BCAS3: variants seen among roughly 807,000 people sequenced by gnomAD.
BCAS3 encodes the protein BCAS4/BCAS3 fusion.
In BCAS3, 53 loss-of-function variants were observed where a neutral mutation model predicts 116.1. The observed-to-expected ratio is 0.46, with a 90% CI of 0.37 to 0.57. BCAS3 has a LOEUF of 0.57. Ranked by LOEUF, BCAS3 falls within the 20% of genes least tolerant of loss-of-function variation. The pLI is 0.00. For synonymous variants in BCAS3, 391 were observed against 408.2 expected, an observed-to-expected ratio of 0.96 and a Z score of 0.51; for missense variants, 917 against 1,165.4, an observed-to-expected ratio of 0.79 and a Z score of 3.10.
intron 15 of BCAS3, among the ~76,000 whole-genome samples, chr17:61,000,725 G>A (rs1401855942): frequency 6.6e-6 from 1 of 152,028 alleles, no homozygotes; most frequent in East Asian, 1.9e-4. Context: ...TATAATAATT[G>A]TGAACTTATT....
At position 61,307,897 on chromosome 17, in the gene BCAS3, T is replaced by C. The variant is rs781617668; in HGVS notation, c.2426-60430T>C. 3.3e-5 allele frequency among the ~76,000 whole-genome samples: 5 copies of C among 152,054 alleles called. No individual in the cohort carries two copies. Among genetic ancestry groups the C allele is most frequent in the Non-Finnish European group, 5.9e-5 (4 of 68,036 alleles). Reference sequence around the variant, plus strand: ...GTTACAGATCTAACACAAATAATGTTACGTGAGCAACCCCAAACAGTATAC... The same window carrying C: ...GTTACAGATCTAACACAAATAATGTCACGTGAGCAACCCCAAACAGTATAC... On this transcript the variant is annotated intron_variant, in intron 22 of 23. Transcript: ENST00000407086. The surrounding 1 kb of genome is among the most constrained non-coding windows in gnomAD (Gnocchi z 4.7).
At chr17:60,852,071 G>C (rs2053220065) in intron 7 of BCAS3, among the ~76,000 whole-genome samples, 4 of 152,010 alleles carry the variant, frequency 2.6e-5, no homozygotes, top group Non-Finnish European at 5.9e-5. Flanking sequence ...CATATTAAAT[G>C]GCAATATGGA....
At chr17:60,901,531 A>G (rs73320655) in intron 10 of BCAS3, among the ~76,000 whole-genome samples, 6,453 of 152,222 alleles carry the variant, frequency 0.042, 422 homozygotes, top group African/African-American at 0.15. Context: ...TTTCAAATCT[A>G]TTTAAGCAGT....
intron 2 of BCAS3, among the ~76,000 whole-genome samples, chr17:60,683,626 G>A (rs1247395350): frequency 7.1e-6 from 1 of 141,532 alleles, no homozygotes; most frequent in East Asian, 2.1e-4. Flanking sequence ...GAGCTCAGAA[G>A]TTTGACACCA....
intron 15 of BCAS3, among the ~76,000 whole-genome samples, chr17:60,991,666 A>G (rs1367110896): frequency 1.3e-5 from 2 of 152,172 alleles, no homozygotes; most frequent in Admixed American, 1.3e-4. Flanking sequence ...AATATTCACC[A>G]TGTAAATGTG....
At chr17:61,230,959 CTTTTTTTTTT>C (rs763299746) in intron 22 of BCAS3, among the ~76,000 whole-genome samples, 2 of 121,854 alleles carry the variant, frequency 1.6e-5, no homozygotes, top group South Asian at 2.6e-4. Context: ...TAGTTTTTGC[CTTTTTTTTTT>C]TTTTTTTTTT....
In BCAS3 at chr17:61,380,658, G is replaced by A. The variant is rs920120776; in HGVS notation, c.2594-11319G>A. ...CAAGAGGGTGCCCTCCTACCCCCTCGTGCCCAGGCCCAGGAGCACTCTAGG... is the reference window on the plus strand; with the variant it reads ...CAAGAGGGTGCCCTCCTACCCCCTCATGCCCAGGCCCAGGAGCACTCTAGG... On this transcript the variant is annotated intron_variant, in intron 23 of 23. Transcript: ENST00000407086. The surrounding 1 kb of genome is among the most constrained non-coding windows in gnomAD (Gnocchi z 4.2). 99 of 1,299,448 alleles carry A rather than the reference G, an allele frequency of 7.6e-5. No individual in the cohort carries two copies. The highest frequency in any genetic ancestry group is 8.7e-5 in the South Asian group (7 of 80,650). The allele number at this position is 1,299,448 out of a possible 1,614,324, so 80.5% of individuals were successfully genotyped here. A position where few individuals can be genotyped will look rare whatever the true frequency, so the allele number is the denominator to read the frequency against.
chr17:60,690,465 G>A (rs544245859), intron 4 of BCAS3, among the ~76,000 whole-genome samples: 59 of 152,302 alleles, frequency 3.9e-4, no homozygotes, highest in Non-Finnish European at 7.1e-4. Context: ...AGCTACTTGG[G>A]AGGCTGAGGT....
At chr17:60,841,295 A>C (rs2144760388) in intron 7 of BCAS3, among the ~76,000 whole-genome samples, 1 of 152,264 alleles carries the variant, frequency 6.6e-6, no homozygotes, top group East Asian at 1.9e-4. Context: ...ATTTTGTTGC[A>C]AAAGAGAGAC....
chr17:61,015,645 C>T, intron 15 of BCAS3, 106 bp from the exon 16 acceptor site: 1 of 1,110,846 alleles, frequency 9.0e-7, no homozygotes, highest in Non-Finnish European at 1.3e-6. Flanking sequence ...ACCTTTGATG[C>T]CTTTCTTAAA....
Position 61,227,217 on chromosome 17 carries a change from A to G in BCAS3, c.2426-141110A>G, listed in dbSNP as rs1289717850. 6.6e-6 allele frequency among the ~76,000 whole-genome samples: 1 copy of G among 152,236 alleles called. No homozygotes were observed. The highest frequency in any genetic ancestry group is 2.4e-5 in the African/African-American group (1 of 41,458). ...CCACAGACTGTCCTAGAGGGGCCAC[A>G]GACTGCTCTGAGAAGCTAGTGCAAT... On this transcript the variant is annotated intron_variant, in intron 22 of 23. Coordinates refer to ENST00000407086, the MANE Select transcript of BCAS3 (RefSeq NM_017679.5). The surrounding 1 kb of genome is among the most constrained non-coding windows in gnomAD (Gnocchi z 6.1).
At chr17:61,172,069 G>C (rs1489507275) in intron 22 of BCAS3, among the ~76,000 whole-genome samples, 1 of 152,158 alleles carries the variant, frequency 6.6e-6, no homozygotes, top group Non-Finnish European at 1.5e-5. Context: ...TATCAGTTCT[G>C]AATGTTTGCC....
rs1255947252 is a variant in BCAS3 at position 60,964,719 on chromosome 17, A to G, written c.1221+17367A>G. Among the ~76,000 whole-genome samples the G allele has an allele frequency of 6.6e-6, 1 of 151,864 alleles. No homozygotes were observed. The highest frequency in any genetic ancestry group is 1.5e-5 in the Non-Finnish European group (1 of 67,958). On this transcript the variant is annotated intron_variant, in intron 14 of 23. Coordinates refer to ENST00000407086, the MANE Select transcript of BCAS3 (RefSeq NM_017679.5). This position sits in a 1 kb window ranked among gnomAD's most constrained non-coding sequence, Gnocchi z 4.6. ...TTTTTATTACAGCTTCAGTTTTGTT[A>G]CTTGTTATTGGTTTGTTGAGGTTTT... is the stretch of plus-strand genomic sequence containing the variant.
rs774037445 is a variant in BCAS3 at position 61,051,707 on chromosome 17, C to T, written c.2029+10815C>T. Among the ~76,000 whole-genome samples the T allele has an allele frequency of 5.3e-5, 8 of 152,270 alleles. No individual in the cohort carries two copies. Among genetic ancestry groups the T allele is most frequent in the African/African-American group, 7.2e-5 (3 of 41,548 alleles). ...CCAACTCCTGAACTTGAGTGATCCT[C>T]CTGCCTCAGCCTCCTGAGTACCTGG... On this transcript the variant is annotated intron_variant, in intron 19 of 23. Coordinates refer to ENST00000407086, the MANE Select transcript of BCAS3 (RefSeq NM_017679.5). The surrounding 1 kb of genome is among the most constrained non-coding windows in gnomAD (Gnocchi z 4.1).
chr17:61,070,255 T>C lies in BCAS3; in HGVS notation c.2030-4665T>C, dbSNP rs2071222656. 7.4e-6 allele frequency: 11 copies of C among 1,494,582 alleles called. 1 individual carries two copies. In the South Asian group the frequency reaches 1.1e-4, roughly 15 times the overall value. The allele number at this position is 1,494,582 out of a possible 1,614,324, so 92.6% of individuals were successfully genotyped here. On this transcript the variant is annotated intron_variant, in intron 19 of 23. Coordinates refer to ENST00000407086, the MANE Select transcript of BCAS3 (RefSeq NM_017679.5). ...TGTGGCCAAGGTCAACACCCTGATT[T>C]GGCCTGATGGAGAGAAGAAGGCATA... is the stretch of plus-strand genomic sequence containing the variant.
rs573719170 is a variant in BCAS3 at position 61,368,001 on chromosome 17, C to T, written c.2426-326C>T. ...TATCAAAAAGAGGAAAGTAGGGATC[C>T]GTTTGGGTTGAACCTGGGAAGGGGG... is the stretch of plus-strand genomic sequence containing the variant. On this transcript the variant is annotated intron_variant, in intron 22 of 23. Transcript: ENST00000407086. The surrounding 1 kb of genome is among the most constrained non-coding windows in gnomAD (Gnocchi z 6.0). 9 of 210,378 alleles carry T rather than the reference C, an allele frequency of 4.3e-5. No individual in the cohort carries two copies. The highest frequency in any genetic ancestry group is 2.0e-4 in the East Asian group (2 of 10,074). 13.0% of individuals were successfully genotyped at this position (210,378 alleles called of 1,614,324 possible). A position where few individuals can be genotyped will look rare whatever the true frequency, so the allele number is the denominator to read the frequency against.
rs76189177 is a variant in BCAS3 at position 61,388,884 on chromosome 17, G to T, written c.2594-3093G>T. ...CGTGGAGAAAAGCGCCCACAAAGCT[G>T]CCCCGGGGCCAGCAGGCCCCCGATT... On this transcript the variant is annotated intron_variant, in intron 23 of 23. Coordinates refer to ENST00000407086, the MANE Select transcript of BCAS3 (RefSeq NM_017679.5). The surrounding 1 kb of genome is among the most constrained non-coding windows in gnomAD (Gnocchi z 6.5). The T allele has an allele frequency of 2.1e-3, 1,305 of 612,660 alleles. 31 individuals carry two copies. The Admixed American group carries it at 0.027, about 12-fold the overall frequency. 38.0% of individuals were successfully genotyped at this position (612,660 alleles called of 1,614,324 possible). A position where few individuals can be genotyped will look rare whatever the true frequency, so the allele number is the denominator to read the frequency against.
intron 3 of BCAS3, among the ~76,000 whole-genome samples, chr17:60,687,038 T>C (rs16969217): frequency 0.14 from 20,895 of 152,140 alleles, 4,299 homozygotes; most frequent in African/African-American, 0.45. Flanking sequence ...ATTTTCTCTA[T>C]AGTGAGCAAA....
rs919864606 is a variant in BCAS3 at position 61,224,117 on chromosome 17, G to A, written c.2425+139553G>A. On this transcript the variant is annotated intron_variant, in intron 22 of 23. Coordinates refer to ENST00000407086, the MANE Select transcript of BCAS3 (RefSeq NM_017679.5). This position sits in a 1 kb window ranked among gnomAD's most constrained non-coding sequence, Gnocchi z 5.7. The stretch of plus-strand genomic sequence containing the variant: ...ATCTTTTCTCCTATATTTGATTATA[G>A]AAAGCAGTTTTTATTTTTATGCTTT... Among the ~76,000 whole-genome samples the A allele has an allele frequency of 6.6e-6, 1 of 152,134 alleles. No individual in the cohort carries two copies. The highest frequency in any genetic ancestry group is 2.4e-5 in the African/African-American group (1 of 41,404).
Sources: allele counts gnomAD v4.1 joint callset (sites outside exome capture counted in the v4.1 genomes callset), GRCh38; gene constraint gnomAD v4.1.1; non-coding constraint Gnocchi (gnomAD v3.1); transcripts MANE v1.5; gene names NCBI Gene and HGNC (gene_info 2026-07-23, HGNC 2026-07-21).